CHN1: variants seen among roughly 807,000 people sequenced by gnomAD.
CHN1 encodes chimerin 1, also known as N-chimaerin.
CHN1 carries 37 observed loss-of-function variants against 59.5 expected under a neutral mutation model. The observed-to-expected ratio is 0.62, with a 90% CI of 0.48 to 0.82. The LOEUF is 0.82. Ranked by LOEUF, CHN1 falls within the 40% of genes least tolerant of loss-of-function variation. CHN1 has a pLI of 0.00. For synonymous variants in CHN1, 206 were observed against 200.4 expected, an observed-to-expected ratio of 1.03 and a Z score of -0.24; for missense variants, 469 against 571.0, an observed-to-expected ratio of 0.82 and a Z score of 1.82.
At chr2:174,862,938 T>C (rs923923494) in intron 6 of CHN1, among the ~76,000 whole-genome samples, 7 of 152,214 alleles carry the variant, frequency 4.6e-5, no homozygotes, top group Non-Finnish European at 8.8e-5. Flanking sequence ...ATTTTGGTTG[T>C]TCAGCCTTGG....
intron 5 of CHN1, among the ~76,000 whole-genome samples, chr2:174,879,834 G>A (rs966341545): frequency 6.6e-6 from 1 of 152,106 alleles, no homozygotes; most frequent in African/African-American, 2.4e-5. Context: ...AGTGGATACA[G>A]AACTTAAAAA....
At chr2:174,826,518 T>C (rs1325600619) in intron 7 of CHN1, among the ~76,000 whole-genome samples, 1 of 152,210 alleles carries the variant, frequency 6.6e-6, no homozygotes, top group East Asian at 1.9e-4. Context: ...TGACTAAAGA[T>C]GCAATGAAAG....
chr2:174,887,361 A>C (rs1385932831), intron 5 of CHN1, among the ~76,000 whole-genome samples: 1 of 152,162 alleles, frequency 6.6e-6, no homozygotes, highest in East Asian at 1.9e-4. Context: ...AATAAGCAAA[A>C]GGCTTAAAAT....
At chr2:174,905,596 G>T (rs774498362) in intron 5 of CHN1, among the ~76,000 whole-genome samples, 1 of 151,250 alleles carries the variant, frequency 6.6e-6, no homozygotes, top group South Asian at 2.1e-4. Flanking sequence ...ACGGAGTCTC[G>T]CTCTGTTGCC....
At chr2:174,964,987 T>C (rs1690548765) in intron 1 of CHN1, among the ~76,000 whole-genome samples, 1 of 152,142 alleles carries the variant, frequency 6.6e-6, no homozygotes, top group Non-Finnish European at 1.5e-5. Context: ...TTCACTTTTC[T>C]TTAAATAACA....
At chr2:174,867,999 C>T (rs951131782) in intron 6 of CHN1, among the ~76,000 whole-genome samples, 5 of 152,288 alleles carry the variant, frequency 3.3e-5, no homozygotes, top group African/African-American at 1.2e-4. Context: ...CGTAGGAAGA[C>T]AGACTAAAAG....
At chr2:174,853,039 A>G (rs143597526) in intron 6 of CHN1, among the ~76,000 whole-genome samples, 383 of 152,292 alleles carry the variant, frequency 2.5e-3, no homozygotes, top group Non-Finnish European at 4.4e-3. Context: ...ACTTTGGGAA[A>G]GAATTTTTGT....
chr2:174,807,004 GA>G (rs1486467659), intron 11 of CHN1, among the ~76,000 whole-genome samples: 1 of 152,148 alleles, frequency 6.6e-6, no homozygotes, highest in Non-Finnish European at 1.5e-5. Context: ...CTTGATTTCC[GA>G]AAGTTTCTTT....
intron 5 of CHN1, among the ~76,000 whole-genome samples, chr2:174,888,844 G>A (rs1254574767): frequency 6.6e-6 from 1 of 152,208 alleles, no homozygotes; most frequent in Non-Finnish European, 1.5e-5. Context: ...AAGCACTAAT[G>A]GAACTGGTAA....
chr2:174,847,211 TGCCAGGCA>T, intron 6 of CHN1: 1 of 1,472,084 alleles, frequency 6.8e-7, no homozygotes, highest in East Asian at 2.5e-5. Context: ...ATGAGCATTC[TGCCAGGCA>T]GCACAGAACC....
intron 3 of CHN1, among the ~76,000 whole-genome samples, chr2:174,918,822 G>A (rs1236923891): frequency 1.3e-5 from 2 of 151,930 alleles, no homozygotes; most frequent in African/African-American, 2.4e-5. Flanking sequence ...AGAATTTAAC[G>A]AGCTGAAAAA....
intron 3 of CHN1, among the ~76,000 whole-genome samples, chr2:174,925,206 C>T (rs1164800953): frequency 6.6e-6 from 1 of 152,136 alleles, no homozygotes; most frequent in African/African-American, 2.4e-5. Flanking sequence ...AGAGGTTGGA[C>T]AAGCCTCCTC....
At chr2:174,861,119 G>T (rs185499309) in intron 6 of CHN1, among the ~76,000 whole-genome samples, 43 of 152,194 alleles carry the variant, frequency 2.8e-4, no homozygotes, top group Admixed American at 1.8e-3. Context: ...GTAAAAACTA[G>T]CTGTAAAAGA....
chr2:174,843,859 G>A (rs1224986303), intron 7 of CHN1, among the ~76,000 whole-genome samples: 1 of 152,090 alleles, frequency 6.6e-6, no homozygotes, highest in Non-Finnish European at 1.5e-5. Flanking sequence ...GGCAAAGGCT[G>A]GATCTTATTT....
At chr2:174,985,142 A>G (rs1183822009) in intron 1 of CHN1, among the ~76,000 whole-genome samples, 1 of 152,202 alleles carries the variant, frequency 6.6e-6, no homozygotes, top group Non-Finnish European at 1.5e-5. Flanking sequence ...TCTAGATTTT[A>G]GTTGATACAC....
At position 174,872,118 on chromosome 2, in the gene CHN1, C is replaced by CA. The variant is rs534864062; in HGVS notation, c.549+5721dup. ...GCAACATGGAGAAACCTCATCTCTA[C>CA]AAAAAAATACAAAAATTAGCCAGGT... On this transcript the variant is annotated intron_variant, in intron 6 of 12. Coordinates refer to ENST00000409900, the MANE Select transcript of CHN1 (RefSeq NM_001822.7). Among the ~76,000 whole-genome samples the CA allele has an allele frequency of 6.9e-3, 1,042 of 151,970 alleles. 10 individuals carry two copies. Among genetic ancestry groups the CA allele is most frequent in the South Asian group, 0.041 (196 of 4,814 alleles).
At chr2:174,803,050 A>T (rs993033329) in intron 11 of CHN1, among the ~76,000 whole-genome samples, 4 of 151,912 alleles carry the variant, frequency 2.6e-5, no homozygotes, top group African/African-American at 9.7e-5. Context: ...GGGGGGAATT[A>T]AAAAAAGGTG....
intron 7 of CHN1, among the ~76,000 whole-genome samples, chr2:174,824,927 C>G (rs118166016): frequency 1.3e-5 from 2 of 152,118 alleles, no homozygotes; most frequent in Non-Finnish European, 2.9e-5. Context: ...AGTAATGAAG[C>G]GCCAACATGG....
intron 1 of CHN1, among the ~76,000 whole-genome samples, chr2:174,972,363 TGC>T (rs927323851): frequency 7.2e-5 from 11 of 152,184 alleles, no homozygotes; most frequent in Non-Finnish European, 1.5e-4. Flanking sequence ...ACTTACTGTC[TGC>T]ATCTCAAGAA....
Sources: gnomAD v4.1 joint callset for allele counts (sites outside exome capture counted in the v4.1 genomes callset) on GRCh38, gnomAD v4.1.1 for gene constraint, MANE v1.5 for transcripts, NCBI Gene and HGNC (gene_info 2026-07-23, HGNC 2026-07-21) for gene names.